The following CDH4 variants were observed in gnomAD, a reference collection of about 807,000 sequenced individuals.
CDH4 encodes the protein cadherin-4.
In CDH4, 33 loss-of-function variants were observed where a neutral mutation model predicts 86.0. The observed-to-expected ratio is 0.38, with a 90% CI of 0.29 to 0.51. CDH4 has a LOEUF of 0.51. Ranked by LOEUF, CDH4 falls within the 20% of genes least tolerant of loss-of-function variation. The pLI is 0.86. For missense variants in CDH4, 1,114 were observed against 1,307.4 expected (o/e 0.85, Z 2.28); for synonymous variants, 555 against 549.4 (o/e 1.01, Z -0.14).
At position 61,417,183 on chromosome 20, in the gene CDH4, G is replaced by A. The variant is rs1484996560; in HGVS notation, c.169+162246G>A. 6.6e-6 allele frequency among the ~76,000 whole-genome samples: 1 copy of A among 152,100 alleles called. No individual in the cohort carries two copies. Among genetic ancestry groups the A allele is most frequent in the African/African-American group, 2.4e-5 (1 of 41,422 alleles). ...TCTTCAGAAAAGGACTCTGTTGGGG[G>A]CATGCAGTCCTGGTCTCCAAGAGAC... On this transcript the variant is annotated intron_variant, in intron 2 of 15. Transcript: ENST00000614565. The surrounding 1 kb of genome is among the most constrained non-coding windows in gnomAD (Gnocchi z 4.0).
At chr20:61,847,184 C>T (rs932447998) in intron 5 of CDH4, among the ~76,000 whole-genome samples, 68 of 152,362 alleles carry the variant, frequency 4.5e-4, no homozygotes, top group African/African-American at 1.6e-3. Context: ...CGCATTCCCA[C>T]CAACTCCCCG....
At chr20:61,868,752 G>A (rs1983664606) in intron 6 of CDH4, among the ~76,000 whole-genome samples, 1 of 152,230 alleles carries the variant, frequency 6.6e-6, no homozygotes, top group Admixed American at 6.5e-5. Flanking sequence ...TGGCCAGCTG[G>A]GTGCTTTCCT....
intron 7 of CDH4, 127 bp downstream of exon 7, chr20:61,874,027 T>G: frequency 1.0e-6 from 1 of 959,418 alleles, no homozygotes; most frequent in Non-Finnish European, 1.6e-6. Flanking sequence ...CCAGTGGCAC[T>G]CTCTTGCCAT....
intron 6 of CDH4, among the ~76,000 whole-genome samples, chr20:61,855,814 G>A (rs550871468): frequency 2.7e-4 from 41 of 152,328 alleles, no homozygotes; most frequent in African/African-American, 9.4e-4. Context: ...CCGGGACCCC[G>A]GAGTCAGCCC....
At chr20:61,472,194 C>T (rs895259964) in intron 2 of CDH4, among the ~76,000 whole-genome samples, 2 of 152,186 alleles carry the variant, frequency 1.3e-5, no homozygotes, top group Admixed American at 6.5e-5. Context: ...CCTTGTTGGG[C>T]GCATATGTAT....
chr20:61,281,939 G>T (rs996321000), intron 2 of CDH4, among the ~76,000 whole-genome samples: 1 of 152,216 alleles, frequency 6.6e-6, no homozygotes, highest in African/African-American at 2.4e-5. Flanking sequence ...ATTCCAAACC[G>T]ATGTGAAGGG....
In CDH4 at chr20:61,731,157, T is replaced by TC. The variant is rs559883410; in HGVS notation, c.170-12399dup. On this transcript the variant is annotated intron_variant, in intron 2 of 15. Coordinates refer to ENST00000614565, the MANE Select transcript of CDH4 (RefSeq NM_001794.5). ...TCTGCAGAGCATGAGGGCGTCCGAG[T>TC]CCCCCCCTCAGCCCTCAGCCCTGCC... 3.9e-3 allele frequency among the ~76,000 whole-genome samples: 587 copies of TC among 151,178 alleles called. 2 individuals carry two copies. Among genetic ancestry groups the TC allele is most frequent in the Non-Finnish European group, 5.2e-3 (349 of 67,764 alleles).
At chr20:61,638,046 A>AAAAAT (rs1447793317) in intron 2 of CDH4, among the ~76,000 whole-genome samples, 3 of 151,962 alleles carry the variant, frequency 2.0e-5, no homozygotes, top group East Asian at 1.9e-4. Flanking sequence ...AAAAATGAAG[A>AAAAAT]GAGGAGAGGA....
chr20:61,688,595 A>G (rs8125685), intron 2 of CDH4, among the ~76,000 whole-genome samples: 1 of 152,056 alleles, frequency 6.6e-6, no homozygotes, highest in East Asian at 1.9e-4. Context: ...TCCTCCAGGG[A>G]CTCGCAGCAT....
At chr20:61,664,357 T>C (rs1032620510) in intron 2 of CDH4, among the ~76,000 whole-genome samples, 1 of 152,036 alleles carries the variant, frequency 6.6e-6, no homozygotes, top group Admixed American at 6.5e-5. Flanking sequence ...ATGGGAAGGA[T>C]AGGGGACTCC....
chr20:61,759,311 A>G (rs2088603997), intron 3 of CDH4, among the ~76,000 whole-genome samples: 1 of 152,228 alleles, frequency 6.6e-6, no homozygotes, highest in Admixed American at 6.5e-5. Context: ...TTGTGAAAAC[A>G]GTGAGAAAGG....
chr20:61,824,842 CCCT>C (rs1981236700), intron 4 of CDH4, among the ~76,000 whole-genome samples: 1 of 152,174 alleles, frequency 6.6e-6, no homozygotes, highest in Non-Finnish European at 1.5e-5. Flanking sequence ...ACAGGCTTAA[CCCT>C]CCTCCTAAGA....
chr20:61,902,527 C>G lies in CDH4; in HGVS notation c.1188+7480C>G, dbSNP rs1239777168. 6.6e-6 allele frequency among the ~76,000 whole-genome samples: 1 copy of G among 152,258 alleles called. No homozygotes were observed. The highest frequency in any genetic ancestry group is 1.9e-4 in the East Asian group (1 of 5,200). Reference sequence around the variant, plus strand: ...GAGCGGCCGTTGACACAGGGACAGGCACACCTTTTCTTGAATGGTCTGGAG... The same window carrying G: ...GAGCGGCCGTTGACACAGGGACAGGGACACCTTTTCTTGAATGGTCTGGAG... On this transcript the variant is annotated intron_variant, in intron 8 of 15. Coordinates refer to ENST00000614565, the MANE Select transcript of CDH4 (RefSeq NM_001794.5). The surrounding 1 kb of genome is among the most constrained non-coding windows in gnomAD (Gnocchi z 4.6).
At chr20:61,500,178 TCATAC>T (rs2085690637) in intron 2 of CDH4, among the ~76,000 whole-genome samples, 1 of 152,190 alleles carries the variant, frequency 6.6e-6, no homozygotes, top group Admixed American at 6.5e-5. Flanking sequence ...AGTAACATGT[TCATAC>T]TACTGTTGTG....
intron 4 of CDH4, among the ~76,000 whole-genome samples, chr20:61,808,493 T>C (rs1358254944): frequency 6.6e-6 from 1 of 152,116 alleles, no homozygotes; most frequent in Non-Finnish European, 1.5e-5. Flanking sequence ...GGACAAACTC[T>C]AGATCTTAAT....
In CDH4 at chr20:61,481,661, G is replaced by A. The variant is rs192827708; in HGVS notation, c.169+226724G>A. 3.3e-3 allele frequency among the ~76,000 whole-genome samples: 510 copies of A among 152,338 alleles called. 3 individuals are homozygous for A. Among genetic ancestry groups the A allele is most frequent in the African/African-American group, 9.6e-3 (400 of 41,576 alleles). ...TTCACAGAGTGCAGGCTCCTTGCTA[G>A]AGCACAAGTTTGAGCTAAAAAATGC... On this transcript the variant is annotated intron_variant, in intron 2 of 15. Transcript: ENST00000614565.
At chr20:61,747,831 G>A (rs1405455003) in intron 3 of CDH4, among the ~76,000 whole-genome samples, 2 of 152,118 alleles carry the variant, frequency 1.3e-5, no homozygotes, top group Non-Finnish European at 2.9e-5. Context: ...GAGAGAAAAT[G>A]GGGCAGAAGT....
chr20:61,633,332 T>C (rs2086913866), intron 2 of CDH4, among the ~76,000 whole-genome samples: 1 of 152,086 alleles, frequency 6.6e-6, no homozygotes, highest in Admixed American at 6.5e-5. Context: ...CATTCATCTA[T>C]CCATCTCTTC....
chr20:61,598,597 G>A (rs1329718953), intron 2 of CDH4, among the ~76,000 whole-genome samples: 1 of 152,160 alleles, frequency 6.6e-6, no homozygotes, highest in Non-Finnish European at 1.5e-5. Context: ...TTCCAGAATC[G>A]CGTGTGGGGA....
Sources: allele counts gnomAD v4.1 joint callset (sites outside exome capture counted in the v4.1 genomes callset), GRCh38; gene constraint gnomAD v4.1.1; non-coding constraint Gnocchi (gnomAD v3.1); transcripts MANE v1.5; gene names NCBI Gene and HGNC (gene_info 2026-07-23, HGNC 2026-07-21).